Variants in DLEC1 observed in about 807,000 individuals in gnomAD.
The protein encoded by DLEC1 is deleted in lung and esophageal cancer protein 1.
A neutral mutation model predicts 198.1 loss-of-function variants in DLEC1; 146 were observed. The ratio of observed to expected loss-of-function variants is 0.74; its 90% confidence interval spans 0.64 to 0.85. DLEC1 has a LOEUF of 0.85. Among genes scored for constraint, DLEC1 ranks in the 40% least tolerant of loss-of-function variants. The pLI is 0.00. For synonymous variants in DLEC1, 897 were observed against 866.8 expected, an observed-to-expected ratio of 1.03 and a Z score of -0.61; for missense variants, 2,233 against 2,220.0, an observed-to-expected ratio of 1.01 and a Z score of -0.12.
intron 12 of DLEC1, 100 bp from the exon 13 acceptor site, chr3:38,094,779 C>A (rs1304638822): frequency 2.1e-6 from 3 of 1,397,252 alleles, no homozygotes; most frequent in Non-Finnish European, 1.9e-6. Flanking sequence ...GTTCCTAGGT[C>A]CTTTCCTGCT....
At chr3:38,044,896 C>T (rs1313714895) in intron 1 of DLEC1, among the ~76,000 whole-genome samples, 4 of 152,148 alleles carry the variant, frequency 2.6e-5, no homozygotes, top group Non-Finnish European at 2.9e-5. Context: ...GTTTGGGCTA[C>T]AGGTGTTTGT....
chr3:38,121,576 G>T, intron 34 of DLEC1, 52 bp from the exon 35 acceptor site: 7 of 1,579,826 alleles, frequency 4.4e-6, no homozygotes, highest in Non-Finnish European at 5.1e-6. Flanking sequence ...TGTCCCAGAG[G>T]CCCTGGCTCA....
In DLEC1 at chr3:38,086,286, A is replaced by C. The variant is rs767885526; in HGVS notation, c.1481A>C (p.Lys494Thr). 6.2e-7 allele frequency: 1 copy of C among 1,612,994 alleles called. No individual in the cohort carries two copies. The highest frequency in any genetic ancestry group is 2.2e-5 in the East Asian group (1 of 44,826). Residue 494 changes from lysine to threonine, a missense_variant, in exon 9 of 37, where the codon AAG becomes ACG. By Grantham distance (78) the Lys-to-Thr change is moderately conservative (BLOSUM62 -1). Coordinates refer to ENST00000308059, the MANE Select transcript of DLEC1 (RefSeq NM_007335.4). ...GGTTACTGCCTCATTGGGGGAGTCA[A>C]GATGACCAGATTCATCTGCAAAAAT... Reference protein sequence around the residue: ...DCGYCLIGGVKMTRFICKNVG... With the variant: ...DCGYCLIGGVTMTRFICKNVG...
At position 38,112,108 on chromosome 3, in the gene DLEC1, A is replaced by AGGGTGGCTTATCG; in HGVS notation, c.3515-98_3515-86dup. ...TGTAGCCTGACCAAGGAGAGGCTGGAGGGTGGCTTATCGGGGACAGTGCTT... is the reference window on the plus strand; with the variant it reads ...TGTAGCCTGACCAAGGAGAGGCTGGAGGGTGGCTTATCGGGGTGGCTTATCGGGGACAGTGCTT... On this transcript the variant is annotated intron_variant, in intron 24 of 36. Coordinates refer to ENST00000308059, the MANE Select transcript of DLEC1 (RefSeq NM_007335.4). The surrounding 1 kb of genome is among the most constrained non-coding windows in gnomAD (Gnocchi z 4.8). 6.5e-7 allele frequency: 1 copy of AGGGTGGCTTATCG among 1,544,856 alleles called. No homozygotes were observed. Among genetic ancestry groups the AGGGTGGCTTATCG allele is most frequent in the South Asian group, 1.2e-5 (1 of 82,024 alleles).
At chr3:38,093,546 C>T (rs990266257) in intron 11 of DLEC1, 59 bp from the exon 12 acceptor site, 2 of 1,605,032 alleles carry the variant, frequency 1.2e-6, no homozygotes, top group African/African-American at 2.7e-5. Flanking sequence ...CTGCAGCAGC[C>T]TTGGCCTGAT....
Position 38,121,609 on chromosome 3 carries a change from G to A in DLEC1, c.4867-19G>A, listed in dbSNP as rs1350906146. On this transcript the variant is annotated intron_variant, in intron 34 of 36. Coordinates refer to ENST00000308059, the MANE Select transcript of DLEC1 (RefSeq NM_007335.4). ...TCAGAGCCCACCCAGAATGGACAAG[G>A]TTGCCTGGTCTCCCACAGGTGGTGC... 3 of 1,610,078 alleles carry A rather than the reference G, an allele frequency of 1.9e-6. No individual in the cohort carries two copies. Among genetic ancestry groups the A allele is most frequent in the Non-Finnish European group, 2.5e-6 (3 of 1,178,730 alleles).
Position 38,122,661 on chromosome 3 carries a change from A to G in DLEC1, c.*249A>G. The G allele has an allele frequency of 6.9e-7, 1 of 1,452,630 alleles. No homozygotes were observed. The highest frequency in any genetic ancestry group is 2.4e-5 in the East Asian group (1 of 41,114). The allele number at this position is 1,452,630 out of a possible 1,614,324, so 90.0% of individuals were successfully genotyped here. On this transcript the variant is annotated 3_prime_UTR_variant, in exon 37 of 37. Transcript: ENST00000308059. ...ACATTGAGATCACTACTCAGTGCAT[A>G]GCGAAGACCAGTATGGCAAAATTAG...
At chr3:38,063,955 C>A in intron 6 of DLEC1, 36 bp downstream of exon 6, 1 of 1,318,608 alleles carries the variant, frequency 7.6e-7, no homozygotes, top group Non-Finnish European at 1.1e-6. Context: ...CCCACCCCAT[C>A]TGCTTTCTTA....
Position 38,086,328 on chromosome 3 carries a change from G to C in DLEC1, c.1523G>C (p.Gly508Ala), listed in dbSNP as rs751554965. 5.0e-6 allele frequency: 8 copies of C among 1,613,032 alleles called. No homozygotes were observed. In the South Asian group the frequency reaches 8.8e-5, roughly 18 times the overall value. ...FICKNVGFSV[G>A]RFCIMPKTSW... ...TGCAAAAATGTGGGTTTCAGTGTTG[G>C]CAGGTTCTGCATTATGCCCAAAACA... The change falls in exon 9 of 37, where the codon GGC becomes GCC. Residue 508 changes from glycine to alanine, a missense_variant. Physicochemically the swap from Gly to Ala is moderately conservative, Grantham distance 60 (BLOSUM62 0). Coordinates refer to ENST00000308059, the MANE Select transcript of DLEC1 (RefSeq NM_007335.4).
intron 17 of DLEC1, 23 bp from the exon 18 acceptor site, chr3:38,097,721 G>A (rs767600087): frequency 6.2e-7 from 1 of 1,613,642 alleles, no homozygotes; most frequent in Non-Finnish European, 8.5e-7. Context: ...GTGGCCCAGT[G>A]ACAGGCCCTC....
chr3:38,111,869 C>A, intron 24 of DLEC1, 122 bp downstream of exon 24: 1 of 1,093,374 alleles, frequency 9.1e-7, no homozygotes, highest in Non-Finnish European at 1.3e-6. Context: ...CTCAGATGGC[C>A]AAGGCGCTCC....
In DLEC1 at chr3:38,117,051, A is replaced by T. The variant is rs757185390; in HGVS notation, c.4256A>T (p.Lys1419Met). The change falls in exon 30 of 37, where the codon AAG becomes ATG. Residue 1419 changes from lysine (K) to methionine (M), a missense_variant. Lys to Met is a moderately conservative substitution (Grantham distance 95). Transcript: ENST00000308059. ...GTGCTCAGCCCTGAGATCCTGCACAAGGTGGAGTGTACTGGCTACGCCCTG... is the reference window on the plus strand; with the variant it reads ...GTGCTCAGCCCTGAGATCCTGCACATGGTGGAGTGTACTGGCTACGCCCTG... ...PMVLSPEILH[K>M]VECTGYALGF... The T allele has an allele frequency of 6.2e-7, 1 of 1,613,966 alleles. No homozygotes were observed. The highest frequency in any genetic ancestry group is 2.2e-5 in the East Asian group (1 of 44,894).
chr3:38,120,625 A>G lies in DLEC1; in HGVS notation c.4866+16A>G, dbSNP rs766521257. 4.3e-6 allele frequency: 7 copies of G among 1,612,290 alleles called. No individual in the cohort carries two copies. The highest frequency in any genetic ancestry group is 1.1e-5 in the South Asian group (1 of 91,000). On this transcript the variant is annotated intron_variant, in intron 34 of 36. Coordinates refer to ENST00000308059, the MANE Select transcript of DLEC1 (RefSeq NM_007335.4). ...GACCACTCAGGCACGCCCCAGGCCC[A>G]CCTACATGTGGAGGAGGGTGGAAGT... is the stretch of plus-strand genomic sequence containing the variant.
chr3:38,123,056 A>G lies in DLEC1; in HGVS notation c.*644A>G, dbSNP rs1553626246. The G allele has an allele frequency of 1.9e-6, 3 of 1,614,130 alleles. No individual in the cohort carries two copies. In the Admixed American group the frequency reaches 5.0e-5, roughly 27 times the overall value. ...CAGCCTGGGACCTCACTCAGTTCCC[A>G]GGGTATTCAAAGACGGCAGCGGCTC... On this transcript the variant is annotated 3_prime_UTR_variant, in exon 37 of 37. Coordinates refer to ENST00000308059, the MANE Select transcript of DLEC1 (RefSeq NM_007335.4).
rs370151524 is a variant in DLEC1 at position 38,121,639 on chromosome 3, G to A, written c.4878G>A (p.Leu1626=). The A allele has an allele frequency of 2.5e-6, 4 of 1,613,496 alleles. No homozygotes were observed. Among genetic ancestry groups the A allele is most frequent in the Non-Finnish European group, 1.7e-6 (2 of 1,179,878 alleles). The part of the protein sequence containing the change: ...YTNQTTQVVP[L]RAVVAVPELQ... ...CTGGTCTCCCACAGGTGGTGCCCCT[G>A]CGGGCTGTGGTGGCCGTGCCTGAGC... The change falls in exon 35 of 37, where the codon CTG becomes CTA. Residue 1626 remains leucine, a synonymous_variant. Transcript: ENST00000308059.
At chr3:38,118,083 A>G in intron 33 of DLEC1, 59 bp downstream of exon 33, 2 of 1,529,042 alleles carry the variant, frequency 1.3e-6, no homozygotes, top group Non-Finnish European at 1.8e-6. Context: ...GTGTACAGAC[A>G]GCACCCCTGC....
intron 1 of DLEC1, among the ~76,000 whole-genome samples, chr3:38,043,104 A>C (rs1442081232): frequency 3.9e-5 from 6 of 152,176 alleles, no homozygotes; most frequent in Admixed American, 1.3e-4. Flanking sequence ...CTCATGGTCT[A>C]ATGATTGAGA....
At chr3:38,108,279 G>A (rs967682) in intron 20 of DLEC1, 126 bp from the exon 21 acceptor site, 40,592 of 737,694 alleles carry the variant, frequency 0.055, 1,321 homozygotes, top group Middle Eastern at 0.13. Flanking sequence ...CAGCCCTGTC[G>A]GTTTTGCTGT....
chr3:38,089,462 C>T (rs1468296939), intron 10 of DLEC1, among the ~76,000 whole-genome samples: 3 of 152,206 alleles, frequency 2.0e-5, no homozygotes, highest in Non-Finnish European at 4.4e-5. Context: ...GGATGTGGCT[C>T]TCTTATTCAT....
Sources: gnomAD v4.1 joint callset for allele counts (sites outside exome capture counted in the v4.1 genomes callset) on GRCh38, gnomAD v4.1.1 for gene constraint, Gnocchi (gnomAD v3.1) non-coding constraint, MANE v1.5 for transcripts, NCBI Gene and HGNC (gene_info 2026-07-23, HGNC 2026-07-21) for gene names.